The following ARHGAP32 variants were observed in gnomAD, a reference collection of about 807,000 sequenced individuals.
The protein encoded by ARHGAP32 is rho GTPase-activating protein 32.
ARHGAP32 carries 51 observed loss-of-function variants against 186.5 expected under a neutral mutation model. The ratio of observed to expected loss-of-function variants is 0.27; its 90% CI spans 0.22 to 0.35. ARHGAP32 has a LOEUF of 0.35. Ranked by LOEUF, ARHGAP32 falls within the 10% of genes least tolerant of loss-of-function variation. The pLI is 1.00. For synonymous variants in ARHGAP32, 950 were observed against 964.3 expected, an observed-to-expected ratio of 0.99 and a Z score of 0.27; for missense variants, 2,186 against 2,623.5, an observed-to-expected ratio of 0.83 and a Z score of 3.64.
chr11:129,157,749 G>A (rs547291796), intron 2 of ARHGAP32, among the ~76,000 whole-genome samples: 43 of 152,094 alleles, frequency 2.8e-4, no homozygotes, highest in African/African-American at 9.9e-4. Flanking sequence ...GATACTCCTC[G>A]AGAAAAACAA....
chr11:129,018,024 T>A lies in ARHGAP32; in HGVS notation c.1046-19556A>T, dbSNP rs376906946. Among the ~76,000 whole-genome samples, 14 of 152,166 alleles carry A rather than the reference T, an allele frequency of 9.2e-5. No homozygotes were observed. In the East Asian group the frequency reaches 2.5e-3, roughly 27 times the overall value. On this transcript the variant is annotated intron_variant, in intron 11 of 22. Transcript: ENST00000682385. ...TCTTTTCTTGCTTCTGACTTTGTTT[T>A]TTATTATTATTTTTATTTATTTATT...
chr11:129,261,215 C>T (rs959783397), intron 1 of ARHGAP32, among the ~76,000 whole-genome samples: 4 of 151,524 alleles, frequency 2.6e-5, no homozygotes, highest in African/African-American at 7.3e-5. Context: ...TAAAGTGGCT[C>T]GGATTAGGTT....
chr11:129,217,965 G>C (rs911906811), intron 1 of ARHGAP32, among the ~76,000 whole-genome samples: 14 of 152,042 alleles, frequency 9.2e-5, no homozygotes, highest in Non-Finnish European at 1.6e-4. Flanking sequence ...AAACTGAGAA[G>C]GACACTGGGA....
intron 1 of ARHGAP32, among the ~76,000 whole-genome samples, chr11:129,205,550 CAA>C: frequency 6.6e-6 from 1 of 152,188 alleles, no homozygotes; most frequent in Admixed American, 6.5e-5. Context: ...TGAACTTGCA[CAA>C]GTCACCAAAA....
Position 128,974,610 on chromosome 11 carries a change from T to C in ARHGAP32, c.2587A>G (p.Thr863Ala), listed in dbSNP as rs1354877681. The change falls in exon 21 of 23, where the codon ACA (threonine) becomes GCA (alanine). Residue 863 changes from threonine (T) to alanine (A), a missense_variant. This residue lies in a region of ARHGAP32 where 1,502 missense variants were observed against 1,570.0 expected (regional missense o/e 0.96). Coordinates refer to ENST00000682385, the MANE Select transcript of ARHGAP32 (RefSeq NM_001378024.1). ...GSSQCQTPGSTASSEPVSPLQ... is the reference protein window; with the variant it reads ...GSSQCQTPGSAASSEPVSPLQ... ...GGAGAGACAGGTTCAGAGCTTGCTG[T>C]GCTTCCTGGAGTCTGACATTGGCTA... The C allele has an allele frequency of 1.9e-6, 3 of 1,614,240 alleles. No individual in the cohort carries two copies. Among genetic ancestry groups the C allele is most frequent in the East Asian group, 2.2e-5 (1 of 44,886 alleles).
In ARHGAP32 at chr11:129,260,440, C is replaced by T. The variant is rs181180722; in HGVS notation, c.-5+18706G>A. ...AATAAATTTATTACGGGCTTTCATA[C>T]AGAGTTATAAACTAAAACTTCTTTC... is the stretch of plus-strand genomic sequence containing the variant. On this transcript the variant is annotated intron_variant, in intron 1 of 6. Transcript: ENST00000525234. Among the ~76,000 whole-genome samples, 103 of 152,040 alleles carry T rather than the reference C, an allele frequency of 6.8e-4. 1 individual carries two copies. Among genetic ancestry groups the T allele is most frequent in the African/African-American group, 2.3e-3 (94 of 41,486 alleles).
intron 22 of ARHGAP32, chr11:128,971,374 A>G: frequency 2.0e-6 from 1 of 493,002 alleles, no homozygotes. Context: ...GAACCATTCA[A>G]AGTTTTCTAA....
intron 2 of ARHGAP32, among the ~76,000 whole-genome samples, chr11:129,151,530 A>G (rs980473914): frequency 5.3e-5 from 8 of 152,292 alleles, no homozygotes; most frequent in African/African-American, 1.2e-4. Flanking sequence ...CTCTCAGACC[A>G]CAGTAAAACA....
chr11:128,972,419 A>C (rs377303383), intron 22 of ARHGAP32, 34 bp downstream of exon 22: 14 of 1,504,812 alleles, frequency 9.3e-6, no homozygotes, highest in Non-Finnish European at 1.2e-5. Flanking sequence ...TGGTAATAGT[A>C]TATTTCATCT....
chr11:129,230,002 A>C lies in ARHGAP32; in HGVS notation c.-5+49144T>G, dbSNP rs577256126. Among the ~76,000 whole-genome samples the C allele has an allele frequency of 5.3e-5, 8 of 152,164 alleles. No individual in the cohort carries two copies. In the South Asian group the frequency reaches 1.7e-3, roughly 32 times the overall value. On this transcript the variant is annotated intron_variant, in intron 1 of 6. Transcript: ENST00000525234. ...GCTAATTTTTGTAATTTTTATAGAG[A>C]CAAGGTTTTGCCATGTTGCCCAGGC...
chr11:129,148,200 T>G (rs764639801), intron 2 of ARHGAP32, among the ~76,000 whole-genome samples: 2 of 151,886 alleles, frequency 1.3e-5, no homozygotes, highest in African/African-American at 4.8e-5. Context: ...ACCAAAGAAA[T>G]GTATCAGGAA....
chr11:128,994,406 C>T (rs374128676), intron 12 of ARHGAP32, among the ~76,000 whole-genome samples: 1 of 152,146 alleles, frequency 6.6e-6, no homozygotes, highest in African/African-American at 2.4e-5. Context: ...CCACCTGTCT[C>T]GGCCTCCCAA....
intron 5 of ARHGAP32, among the ~76,000 whole-genome samples, chr11:129,094,612 A>G (rs1382697332): frequency 6.6e-6 from 1 of 152,210 alleles, no homozygotes; most frequent in Non-Finnish European, 1.5e-5. Flanking sequence ...ATATTCCCCA[A>G]GAAAGTTTGT....
intron 10 of ARHGAP32, among the ~76,000 whole-genome samples, chr11:129,054,077 A>C (rs979123946): frequency 4.0e-5 from 6 of 151,106 alleles, no homozygotes; most frequent in Admixed American, 1.3e-4. Flanking sequence ...AAAAAAAAAA[A>C]CTGTGCTGTC....
chr11:129,154,606 T>C (rs113816837), intron 2 of ARHGAP32, among the ~76,000 whole-genome samples: 2,923 of 152,296 alleles, frequency 0.019, 49 homozygotes, highest in African/African-American at 0.041. Flanking sequence ...TGGAGACCAT[T>C]ATTTTAAGTG....
intron 12 of ARHGAP32, among the ~76,000 whole-genome samples, chr11:128,992,445 C>CA (rs1946083801): frequency 1.3e-5 from 2 of 151,906 alleles, no homozygotes; most frequent in African/African-American, 2.4e-5. Flanking sequence ...CCACCACCAC[C>CA]ACCAACAACA....
intron 11 of ARHGAP32, among the ~76,000 whole-genome samples, chr11:129,010,495 T>C (rs1303386495): frequency 1.3e-5 from 2 of 152,172 alleles, no homozygotes; most frequent in African/African-American, 4.8e-5. Context: ...GGGTCTAGTT[T>C]CAATTTTCTG....
At chr11:129,074,484 TA>T (rs969646945) in intron 6 of ARHGAP32, among the ~76,000 whole-genome samples, 14 of 148,568 alleles carry the variant, frequency 9.4e-5, no homozygotes, top group African/African-American at 1.2e-4. Context: ...GTGCAACCAC[TA>T]AAAAAAAAAA....
chr11:129,259,076 C>T (rs924237341), intron 1 of ARHGAP32, among the ~76,000 whole-genome samples: 8 of 152,116 alleles, frequency 5.3e-5, no homozygotes, highest in African/African-American at 1.7e-4. Flanking sequence ...CGCACAAATG[C>T]ATTACTGATG....
Sources: gnomAD v4.1 joint callset for allele counts (sites outside exome capture counted in the v4.1 genomes callset) on GRCh38, gnomAD v4.1.1 for gene constraint, gnomAD v4.1.1 regional missense constraint, MANE v1.5 for transcripts, NCBI Gene and HGNC (gene_info 2026-07-23, HGNC 2026-07-21) for gene names.